LRP1: variants seen among roughly 807,000 people sequenced by gnomAD.
LRP1 encodes the protein LDL receptor related protein 1, also known as prolow-density lipoprotein receptor-related protein 1.
LRP1 carries 51 observed loss-of-function variants against 541.5 expected under a neutral mutation model. The ratio of observed to expected loss-of-function variants is 0.09; its 90% CI spans 0.08 to 0.12. The LOEUF (loss-of-function observed/expected upper bound fraction) is 0.12, where lower values mean the gene tolerates loss of function less well. Ranked by LOEUF, LRP1 falls within the 10% of genes least tolerant of loss-of-function variation. The probability of loss-of-function intolerance (pLI) is 1.00; values close to 1 mark genes in which losing one functional copy is unlikely to be tolerated. For synonymous variants in LRP1, 2,219 were observed against 2,470.8 expected, an observed-to-expected ratio of 0.90 and a Z score of 3.02; for missense variants, 3,878 against 6,376.2, an observed-to-expected ratio of 0.61 and a Z score of 13.34.
rs751014174 is a variant in LRP1 at position 57,177,460 on chromosome 12, G to A, written c.4230G>A (p.Leu1410=). 10 of 1,608,202 alleles carry A rather than the reference G, an allele frequency of 6.2e-6. No individual in the cohort carries two copies. The South Asian group carries it at 1.0e-4, about 16-fold the overall frequency. Residue 1410 remains leucine, a synonymous_variant, in exon 26 of 89, where the codon CTG becomes CTA. Coordinates refer to ENST00000243077, the MANE Select transcript of LRP1 (RefSeq NM_002332.3). This position sits in a 1 kb window ranked among gnomAD's most constrained non-coding sequence, Gnocchi z 6.8. ...ILFWTDWDAS[L]PRIEAASMSG... ...TTTGGACAGACTGGGATGCCAGCCTGCCCCGCATTGAGGCAGCCTCCATGA... is the reference window on the plus strand; with the variant it reads ...TTTGGACAGACTGGGATGCCAGCCTACCCCGCATTGAGGCAGCCTCCATGA...
At chr12:57,207,899 C>T (rs2036819554) in intron 76 of LRP1, 139 bp from the exon 77 acceptor site, 1 of 928,646 alleles carries the variant, frequency 1.1e-6, no homozygotes, top group African/African-American at 1.7e-5. Flanking sequence ...GCATAAGCTC[C>T]ATGCCGGTTG....
At chr12:57,141,118 C>T (rs2035280484) in intron 2 of LRP1, among the ~76,000 whole-genome samples, 1 of 152,164 alleles carries the variant, frequency 6.6e-6, no homozygotes, top group African/African-American at 2.4e-5. Flanking sequence ...TGTTGAGGCA[C>T]TGGGGTCCAT....
Position 57,138,482 on chromosome 12 carries a change from C to A in LRP1, c.91C>A (p.Gln31Lys), listed in dbSNP as rs1244994462. The A allele has an allele frequency of 2.5e-6, 4 of 1,614,024 alleles. No individual in the cohort carries two copies. ...AGCCCCTAAGACTTGCAGCCCCAAGCAGTTTGCCTGCAGAGATCAAATAAC... is the reference window on the plus strand; with the variant it reads ...AGCCCCTAAGACTTGCAGCCCCAAGAAGTTTGCCTGCAGAGATCAAATAAC... ...IDAPKTCSPK[Q>K]FACRDQITCI... The change falls in exon 2 of 89, where the codon CAG (glutamine) becomes AAG (lysine). Residue 31 changes from glutamine (Q) to lysine (K), a missense_variant. Physicochemically the swap from Gln to Lys is moderately conservative, Grantham distance 53. Transcript: ENST00000243077.
intron 1 of LRP1, among the ~76,000 whole-genome samples, chr12:57,132,501 C>A (rs2035057712): frequency 6.6e-6 from 1 of 152,154 alleles, no homozygotes; most frequent in Admixed American, 6.5e-5. Context: ...AGATCTTGCT[C>A]CCACCCTACT....
chr12:57,202,622 G>A, intron 68 of LRP1, 85 bp downstream of exon 68: 1 of 1,051,714 alleles, frequency 9.5e-7, no homozygotes, highest in Non-Finnish European at 1.4e-6. Flanking sequence ...GGCCGCGCCA[G>A]AGCTGGTGGC....
intron 76 of LRP1, among the ~76,000 whole-genome samples, chr12:57,207,573 G>A (rs988436847): frequency 6.6e-6 from 1 of 152,126 alleles, no homozygotes; most frequent in East Asian, 1.9e-4. Flanking sequence ...GCAGTGCGAG[G>A]GGCAAAGGTT....
Position 57,211,858 on chromosome 12 carries a change from A to G in LRP1, c.13258+44A>G. On this transcript the variant is annotated intron_variant, in intron 86 of 88. Coordinates refer to ENST00000243077, the MANE Select transcript of LRP1 (RefSeq NM_002332.3). This position sits in a 1 kb window ranked among gnomAD's most constrained non-coding sequence, Gnocchi z 4.3. ...GGCAGGCAGGGCCACCGGGACCTAG[A>G]GCAGGGGGACCGTGTGCCTCCTGCT... 1.2e-6 allele frequency: 2 copies of G among 1,613,414 alleles called. No individual in the cohort carries two copies. Among genetic ancestry groups the G allele is most frequent in the South Asian group, 2.2e-5 (2 of 91,058 alleles).
At position 57,194,361 on chromosome 12, in the gene LRP1, C is replaced by T. The variant is rs76765217; in HGVS notation, c.7926C>T (p.Thr2642=). 4.5e-4 allele frequency: 677 copies of T among 1,510,146 alleles called. 4 individuals are homozygous for T. In the African/African-American group the frequency reaches 6.1e-3, roughly 14 times the overall value. The allele number at this position is 1,510,146 out of a possible 1,614,324, so 93.5% of individuals were successfully genotyped here. The change falls in exon 49 of 89, where the codon ACC becomes ACT. Residue 2642 remains threonine (T), a synonymous_variant. Coordinates refer to ENST00000243077, the MANE Select transcript of LRP1 (RefSeq NM_002332.3). The part of the protein sequence containing the change: ...DASDEMNCSA[T]DCSSYFRLGV... ...CACCCCTGCCCCCACCAGGTGCCAC[C>T]GACTGCAGCAGCTACTTCCGCCTGG...
At chr12:57,137,058 A>G (rs1370792893) in intron 1 of LRP1, among the ~76,000 whole-genome samples, 4 of 152,124 alleles carry the variant, frequency 2.6e-5, no homozygotes, top group South Asian at 2.1e-4. Context: ...CCTGACCAAC[A>G]TGGAGAAACC....
At chr12:57,188,389 G>C (rs762243600) in intron 42 of LRP1, among the ~76,000 whole-genome samples, 3 of 152,162 alleles carry the variant, frequency 2.0e-5, no homozygotes, top group Non-Finnish European at 2.9e-5. Flanking sequence ...GTATAGATAC[G>C]TGAGTGTCCC....
At position 57,205,148 on chromosome 12, in the gene LRP1, A is replaced by G; in HGVS notation, c.11234A>G (p.Lys3745Arg). The change falls in exon 73 of 89, where the codon AAG (lysine) becomes AGG (arginine). Residue 3745 changes from lysine to arginine, a missense_variant. Transcript: ENST00000243077. The surrounding 1 kb of genome is among the most constrained non-coding windows in gnomAD (Gnocchi z 4.6). The stretch of plus-strand genomic sequence containing the variant: ...CACACCACCCACTGCAAAGACAAGA[A>G]GGAGTTTCTGTGCCGGAACCAGCGC... ...TAHTTHCKDK[K>R]EFLCRNQRCL... is the part of the protein sequence containing the mutation. The G allele has an allele frequency of 6.2e-7, 1 of 1,613,976 alleles. No homozygotes were observed. Among genetic ancestry groups the G allele is most frequent in the Non-Finnish European group, 8.5e-7 (1 of 1,179,994 alleles).
chr12:57,209,106 G>A lies in LRP1; in HGVS notation c.12169G>A (p.Glu4057Lys). Residue 4057 changes from glutamate to lysine, a missense_variant, in exon 79 of 89, where the codon GAG becomes AAG. Physicochemically the swap from Glu to Lys is moderately conservative, Grantham distance 56 (BLOSUM62 1). This residue lies in a region of LRP1 where 871 missense variants were observed against 1,212.4 expected (regional missense o/e 0.72). Transcript: ENST00000243077. Reference protein sequence around the residue: ...PTGLAVDYHNERLYWADAKLS... With the variant: ...PTGLAVDYHNKRLYWADAKLS... ...AGGCCTGGCCGTGGATTATCACAAT[G>A]AGCGGCTGTACTGGGCAGACGCCAA... The A allele has an allele frequency of 6.2e-7, 1 of 1,613,678 alleles. No individual in the cohort carries two copies. The highest frequency in any genetic ancestry group is 8.5e-7 in the Non-Finnish European group (1 of 1,179,620).
At chr12:57,210,613 A>G in intron 82 of LRP1, 105 bp from the exon 83 acceptor site, 1 of 1,439,776 alleles carries the variant, frequency 6.9e-7, no homozygotes, top group Non-Finnish European at 9.4e-7. Flanking sequence ...GCATCCAGTC[A>G]CTCCAGTCTC....
intron 47 of LRP1, 38 bp from the exon 48 acceptor site, chr12:57,193,861 A>G (rs1218826102): frequency 1.2e-6 from 2 of 1,602,756 alleles, no homozygotes; most frequent in South Asian, 2.2e-5. Flanking sequence ...CCACAGAGAA[A>G]ACTCTGGCCT....
Position 57,202,445 on chromosome 12 carries a change from A to G in LRP1, c.10619A>G (p.Gln3540Arg). 1 of 1,613,506 alleles carries G rather than the reference A, an allele frequency of 6.2e-7. No individual in the cohort carries two copies. Among genetic ancestry groups the G allele is most frequent in the Non-Finnish European group, 8.5e-7 (1 of 1,179,916 alleles). ...GATGAACGCACCTGTGAGCCATACC[A>G]GTTCCGCTGCAAGAACAACCGCTGC... ...ECDERTCEPY[Q>R]FRCKNNRCVP... Residue 3540 changes from glutamine to arginine, a missense_variant, in exon 68 of 89, where the codon CAG (glutamine) becomes CGG (arginine). Physicochemically the swap from Gln to Arg is conservative, Grantham distance 43. Transcript: ENST00000243077.
rs368737311 is a variant in LRP1, at chr12:57,197,088, A to C, written c.8999A>C (p.His3000Pro). ...TGCAGCCAGCGCTGCATCAACACTC[A>C]TGGCAGCTATAAGTGTCTGTGTGTG... ...FPCSQRCINT[H>P]GSYKCLCVEG... is the part of the protein sequence containing the mutation. The change falls in exon 56 of 89, where the codon CAT (histidine) becomes CCT (proline). Residue 3000 changes from histidine (H) to proline (P), a missense_variant. Physicochemically the swap from His to Pro is moderately conservative, Grantham distance 77. Transcript: ENST00000243077. The surrounding 1 kb of genome is among the most constrained non-coding windows in gnomAD (Gnocchi z 4.5). 6.2e-7 allele frequency: 1 copy of C among 1,613,956 alleles called. No homozygotes were observed. The highest frequency in any genetic ancestry group is 1.3e-5 in the African/African-American group (1 of 74,926).
intron 42 of LRP1, among the ~76,000 whole-genome samples, chr12:57,188,938 C>T (rs915583923): frequency 6.6e-6 from 1 of 152,202 alleles, no homozygotes; most frequent in African/African-American, 2.4e-5. Context: ...GGGCCCTCCC[C>T]CTGGCCACAA....
chr12:57,202,644 G>C, intron 68 of LRP1, 107 bp downstream of exon 68: 3 of 860,996 alleles, frequency 3.5e-6, no homozygotes, highest in Non-Finnish European at 5.6e-6. Context: ...ACCTCCCAGG[G>C]TGGGGGCAGG....
rs2035576443 is a variant in LRP1, at chr12:57,154,166, G to T, written c.842-42G>T. ...GCAAAGGGTGGGCATCTCTGCAAGA[G>T]GGCCTACCCCACCCCATGGCTCTTT... On this transcript the variant is annotated intron_variant, in intron 6 of 88. Coordinates refer to ENST00000243077, the MANE Select transcript of LRP1 (RefSeq NM_002332.3). The surrounding 1 kb of genome is among the most constrained non-coding windows in gnomAD (Gnocchi z 4.6). 1 of 1,582,724 alleles carries T rather than the reference G, an allele frequency of 6.3e-7. No individual in the cohort carries two copies. Among genetic ancestry groups the T allele is most frequent in the Non-Finnish European group, 8.6e-7 (1 of 1,157,518 alleles).
Sources: allele counts gnomAD v4.1 joint callset (sites outside exome capture counted in the v4.1 genomes callset), GRCh38; gene constraint gnomAD v4.1.1; regional missense constraint gnomAD v4.1.1; non-coding constraint Gnocchi (gnomAD v3.1); transcripts MANE v1.5; gene names NCBI Gene and HGNC (gene_info 2026-07-23, HGNC 2026-07-21).